PTPRM: variants seen among roughly 807,000 people sequenced by gnomAD.
PTPRM encodes the protein receptor-type tyrosine-protein phosphatase mu.
Under a neutral mutation model 186.7 loss-of-function variants are expected in PTPRM, and 47 were observed. The ratio of observed to expected loss-of-function variants is 0.25; its 90% CI spans 0.20 to 0.32. The LOEUF is 0.32. Ranked by LOEUF, PTPRM falls within the 10% of genes least tolerant of loss-of-function variation. The probability of loss-of-function intolerance (pLI) is 1.00; values close to 1 mark genes in which losing one functional copy is unlikely to be tolerated. For missense variants in PTPRM, 1,494 were observed against 1,865.0 expected (o/e 0.80, Z 3.66); for synonymous variants, 668 against 674.9 (o/e 0.99, Z 0.16).
chr18:7,635,408 A>G (rs2038289391), intron 1 of PTPRM, among the ~76,000 whole-genome samples: 1 of 152,184 alleles, frequency 6.6e-6, no homozygotes, highest in Non-Finnish European at 1.5e-5. Context: ...AGTGCTTAGC[A>G]TAGTACTATG....
intron 1 of PTPRM, among the ~76,000 whole-genome samples, chr18:7,644,560 GA>G (rs1303993603): frequency 2.0e-5 from 3 of 152,082 alleles, no homozygotes; most frequent in African/African-American, 7.2e-5. Context: ...ACTCTATCAA[GA>G]AAATTGAAGA....
intron 7 of PTPRM, among the ~76,000 whole-genome samples, chr18:7,997,164 A>T (rs2083587532): frequency 6.6e-6 from 1 of 152,186 alleles, no homozygotes; most frequent in Non-Finnish European, 1.5e-5. Flanking sequence ...TAATAAGCAA[A>T]ACAGCATGGT....
intron 32 of PTPRM, among the ~76,000 whole-genome samples, chr18:8,401,590 G>A (rs1172232754): frequency 1.3e-5 from 2 of 152,244 alleles, no homozygotes; most frequent in Non-Finnish European, 2.9e-5. Flanking sequence ...CAGGTCAGAG[G>A]TGGAGGCTAT....
intron 1 of PTPRM, among the ~76,000 whole-genome samples, chr18:7,714,127 CA>C (rs1387051133): frequency 3.3e-5 from 5 of 152,122 alleles, no homozygotes; most frequent in African/African-American, 1.2e-4. Context: ...GGAAGTAAAA[CA>C]CTCCTCAGCA....
chr18:7,751,501 C>G (rs1395819749), intron 1 of PTPRM: 1 of 152,188 alleles, frequency 6.6e-6, no homozygotes, highest in African/African-American at 2.4e-5. Context: ...TCTTGAGTCT[C>G]TCATCTGAAA....
chr18:7,889,939 C>T (rs1469969745), intron 3 of PTPRM, among the ~76,000 whole-genome samples: 2 of 152,156 alleles, frequency 1.3e-5, no homozygotes, highest in African/African-American at 4.8e-5. Flanking sequence ...AACTGAAGGG[C>T]GGAGGCCCAT....
chr18:7,835,471 A>G (rs1598964489), intron 2 of PTPRM, among the ~76,000 whole-genome samples: 1 of 151,902 alleles, frequency 6.6e-6, no homozygotes, highest in South Asian at 2.1e-4. Flanking sequence ...ATTTGTTTGA[A>G]TGTTTTAGGA....
intron 23 of PTPRM, among the ~76,000 whole-genome samples, chr18:8,357,295 A>G (rs541566574): frequency 7.9e-5 from 12 of 152,368 alleles, no homozygotes; most frequent in Non-Finnish European, 1.8e-4. Context: ...TATGCAGACC[A>G]TAAAAGATAT....
chr18:8,191,339 A>G (rs908875609), intron 14 of PTPRM, among the ~76,000 whole-genome samples: 1 of 152,190 alleles, frequency 6.6e-6, no homozygotes, highest in African/African-American at 2.4e-5. Context: ...ATACTTGAGT[A>G]CTGCACGGCT....
chr18:7,570,226 G>A (rs1418596826), intron 1 of PTPRM, among the ~76,000 whole-genome samples: 5 of 152,232 alleles, frequency 3.3e-5, no homozygotes, highest in African/African-American at 1.2e-4. Flanking sequence ...CGTTTAGGTA[G>A]TACAGGTGTG....
intron 7 of PTPRM, among the ~76,000 whole-genome samples, chr18:7,998,319 CT>C (rs1368273646): frequency 1.3e-5 from 2 of 151,880 alleles, no homozygotes; most frequent in African/African-American, 4.8e-5. Context: ...TATGTTGGAG[CT>C]AAAAAAGTTG....
intron 24 of PTPRM, among the ~76,000 whole-genome samples, chr18:8,372,815 AT>A (rs1168743564): frequency 1.3e-5 from 2 of 151,852 alleles, no homozygotes; most frequent in Admixed American, 6.6e-5. Flanking sequence ...GACCCTCAAT[AT>A]TTTTTTCTTT....
At chr18:8,118,906 ACTT>A (rs916896344) in intron 13 of PTPRM, among the ~76,000 whole-genome samples, 4 of 150,606 alleles carry the variant, frequency 2.7e-5, no homozygotes, top group Admixed American at 2.0e-4. Context: ...GGCCCAAGAC[ACTT>A]CTTCTTCTTC....
intron 1 of PTPRM, among the ~76,000 whole-genome samples, chr18:7,605,054 G>T (rs966048775): frequency 1.3e-5 from 2 of 152,082 alleles, no homozygotes; most frequent in Non-Finnish European, 2.9e-5. Context: ...TTTTTAATAG[G>T]ATATACTAAG....
At chr18:7,689,955 C>T (rs1009358437) in intron 1 of PTPRM, among the ~76,000 whole-genome samples, 14 of 152,286 alleles carry the variant, frequency 9.2e-5, no homozygotes, top group South Asian at 2.1e-4. Context: ...TTTACATTCA[C>T]GTGCCTTAGG....
chr18:8,379,188 A>T lies in PTPRM; in HGVS notation c.3634A>T (p.Thr1212Ser). ...EFRTLNMVTP[T>S]LRVEDCSIAL... The stretch of plus-strand genomic sequence containing the variant: ...GCAGACGCTAAACATGGTGACACCA[A>T]CGCTGCGAGTAGAGGACTGCAGCAT... Residue 1212 changes from threonine (T) to serine (S), a missense_variant, in exon 28 of 33, where the codon ACG (threonine) becomes TCG (serine). This residue lies in a region of PTPRM where 1,107 missense variants were observed against 1,350.2 expected (regional missense o/e 0.82). Coordinates refer to ENST00000580170, the MANE Select transcript of PTPRM (RefSeq NM_001105244.2). The T allele has an allele frequency of 6.2e-7, 1 of 1,609,556 alleles. No individual in the cohort carries two copies. The highest frequency in any genetic ancestry group is 1.7e-5 in the Admixed American group (1 of 59,408).
At chr18:7,857,335 A>C (rs934665086) in intron 2 of PTPRM, among the ~76,000 whole-genome samples, 14 of 152,120 alleles carry the variant, frequency 9.2e-5, no homozygotes, top group Non-Finnish European at 1.8e-4. Context: ...AAATTTTAAA[A>C]CTTGTTTTAA....
At chr18:8,285,603 T>C (rs963217270) in intron 19 of PTPRM, among the ~76,000 whole-genome samples, 9 of 152,242 alleles carry the variant, frequency 5.9e-5, no homozygotes, top group African/African-American at 2.2e-4. Context: ...GGCCTCAGGC[T>C]CCGAAGTAGT....
intron 7 of PTPRM, 137 bp downstream of exon 7, chr18:7,955,551 C>T (rs2053253212): frequency 2.0e-6 from 2 of 998,294 alleles, no homozygotes; most frequent in Admixed American, 2.8e-5. Context: ...TGCCCTTAGC[C>T]TGTGAATAGT....
Sources: gnomAD v4.1 joint callset for allele counts (sites outside exome capture counted in the v4.1 genomes callset) on GRCh38, gnomAD v4.1.1 for gene constraint, gnomAD v4.1.1 regional missense constraint, MANE v1.5 for transcripts, NCBI Gene and HGNC (gene_info 2026-07-23, HGNC 2026-07-21) for gene names.